Variants in ANKS1B observed in about 807,000 individuals in gnomAD.
ANKS1B encodes the protein ankyrin repeat and sterile alpha motif domain containing 1B, also known as ankyrin repeat and sterile alpha motif domain-containing protein 1B.
ANKS1B carries 36 observed loss-of-function variants against 148.3 expected under a neutral mutation model. The ratio of observed to expected loss-of-function variants is 0.24; its 90% CI spans 0.19 to 0.32. The LOEUF is 0.32. ANKS1B is among the 10% of genes least tolerant of loss of function. The probability of loss-of-function intolerance (pLI) is 1.00; values close to 1 mark genes in which losing one functional copy is unlikely to be tolerated. For missense variants in ANKS1B, 1,157 were observed against 1,542.6 expected, an observed-to-expected ratio of 0.75 and a Z score of 4.19; for synonymous variants, 542 against 560.8, an observed-to-expected ratio of 0.97 and a Z score of 0.47.
intron 17 of ANKS1B, among the ~76,000 whole-genome samples, chr12:98,864,456 GT>G (rs2099614709): frequency 6.6e-6 from 1 of 152,182 alleles, no homozygotes; most frequent in Admixed American, 6.5e-5. Flanking sequence ...CTGTGAGGAT[GT>G]TTTTGGATGA....
intron 1 of ANKS1B, among the ~76,000 whole-genome samples, chr12:99,906,839 A>G (rs1444849989): frequency 6.6e-6 from 1 of 152,232 alleles, no homozygotes; most frequent in Non-Finnish European, 1.5e-5. Context: ...GTATGGGAAT[A>G]TAACAATAAA....
intron 17 of ANKS1B, among the ~76,000 whole-genome samples, chr12:99,005,536 C>T (rs2099935662): frequency 6.6e-6 from 1 of 152,218 alleles, no homozygotes; most frequent in South Asian, 2.1e-4. Context: ...TACATCAAAA[C>T]CTGACATAAA....
At chr12:99,604,517 T>TA (rs1038301665) in intron 9 of ANKS1B, among the ~76,000 whole-genome samples, 1 of 151,874 alleles carries the variant, frequency 6.6e-6, no homozygotes, top group Admixed American at 6.6e-5. Context: ...AAAATGACAA[T>TA]AAAAAATGTT....
intron 12 of ANKS1B, among the ~76,000 whole-genome samples, chr12:99,359,638 T>C (rs1044595067): frequency 5.9e-5 from 9 of 152,142 alleles, no homozygotes; most frequent in Non-Finnish European, 1.2e-4. Flanking sequence ...AAAATTGTGT[T>C]CATTTACATA....
chr12:99,712,926 GT>G (rs1216391851), intron 8 of ANKS1B, among the ~76,000 whole-genome samples: 3 of 152,138 alleles, frequency 2.0e-5, no homozygotes, highest in Non-Finnish European at 4.4e-5. Context: ...GAAGGGTAAT[GT>G]GTCTAAACCT....
intron 1 of ANKS1B, among the ~76,000 whole-genome samples, chr12:99,886,731 C>T (rs562064793): frequency 2.0e-5 from 3 of 152,230 alleles, no homozygotes; most frequent in East Asian, 3.9e-4. Flanking sequence ...ACTGTATATC[C>T]ACAAGTCAAA....
At chr12:99,446,702 C>T (rs1479916907) in intron 10 of ANKS1B, among the ~76,000 whole-genome samples, 2 of 152,000 alleles carry the variant, frequency 1.3e-5, no homozygotes, top group African/African-American at 4.8e-5. Flanking sequence ...GGTAGGAGCA[C>T]ACTCTACTTC....
intron 12 of ANKS1B, among the ~76,000 whole-genome samples, chr12:99,258,610 G>GT (rs56955440): frequency 0.76 from 102,908 of 134,770 alleles, 41,235 homozygotes; most frequent in Non-Finnish European, 0.9. Flanking sequence ...TTATCCACTT[G>GT]TTTTTTTTTT....
At chr12:99,188,231 C>T (rs1199976340) in intron 14 of ANKS1B, among the ~76,000 whole-genome samples, 1 of 152,092 alleles carries the variant, frequency 6.6e-6, no homozygotes, top group Non-Finnish European at 1.5e-5. Flanking sequence ...CTTAGACTCC[C>T]ACACAATAAT....
intron 14 of ANKS1B, among the ~76,000 whole-genome samples, chr12:99,173,215 G>A (rs1298684892): frequency 6.6e-6 from 1 of 152,124 alleles, no homozygotes; most frequent in Non-Finnish European, 1.5e-5. Flanking sequence ...AATACCTTCT[G>A]TGATGGATGC....
chr12:99,589,829 C>T (rs1440069658), intron 9 of ANKS1B, among the ~76,000 whole-genome samples: 2 of 152,046 alleles, frequency 1.3e-5, no homozygotes, highest in Admixed American at 6.6e-5. Context: ...AATTAGAATG[C>T]TCCTAACACA....
At chr12:99,290,142 A>G (rs908279666) in intron 12 of ANKS1B, among the ~76,000 whole-genome samples, 1 of 152,080 alleles carries the variant, frequency 6.6e-6, no homozygotes, top group African/African-American at 2.4e-5. Flanking sequence ...GAGCAACTCT[A>G]TGCCAATAAA....
chr12:99,440,066 T>C (rs1481131176), intron 11 of ANKS1B, among the ~76,000 whole-genome samples: 1 of 151,708 alleles, frequency 6.6e-6, no homozygotes, highest in African/African-American at 2.4e-5. Flanking sequence ...TAGGATTCCA[T>C]TTATATAAAG....
chr12:99,741,076 C>T (rs760928443), intron 8 of ANKS1B, among the ~76,000 whole-genome samples: 7 of 151,922 alleles, frequency 4.6e-5, no homozygotes, highest in Admixed American at 3.3e-4. Flanking sequence ...GGTGTGGTGG[C>T]GCGTACATGT....
At chr12:99,175,776 C>A (rs2078308137) in intron 14 of ANKS1B, among the ~76,000 whole-genome samples, 1 of 152,192 alleles carries the variant, frequency 6.6e-6, no homozygotes. Context: ...GGCTTCCAGG[C>A]TCCACCTACG....
At chr12:98,945,111 G>T (rs2099843063) in intron 17 of ANKS1B, among the ~76,000 whole-genome samples, 1 of 152,100 alleles carries the variant, frequency 6.6e-6, no homozygotes. Flanking sequence ...TATGTAGAAG[G>T]CAAAACACAG....
intron 14 of ANKS1B, chr12:99,154,768 C>A: frequency 1.4e-6 from 2 of 1,445,912 alleles, no homozygotes; most frequent in Non-Finnish European, 1.8e-6. Flanking sequence ...GAGCAATGCA[C>A]GGCCGGCAGC....
At chr12:99,528,763 CAATA>C (rs2096956914) in intron 9 of ANKS1B, among the ~76,000 whole-genome samples, 1 of 148,242 alleles carries the variant, frequency 6.7e-6, no homozygotes, top group African/African-American at 2.4e-5. Flanking sequence ...TAAGCTAAAA[CAATA>C]AACAAAGGGA....
intron 1 of ANKS1B, among the ~76,000 whole-genome samples, chr12:99,854,057 A>C (rs565048883): frequency 6.6e-6 from 1 of 152,172 alleles, no homozygotes; most frequent in East Asian, 1.9e-4. Context: ...GTCGCCCAGG[A>C]TGGTGTGCAG....
Sources: allele counts gnomAD v4.1 joint callset (sites outside exome capture counted in the v4.1 genomes callset), GRCh38; gene constraint gnomAD v4.1.1; transcripts MANE v1.5; gene names NCBI Gene and HGNC (gene_info 2026-07-23, HGNC 2026-07-21).